Variants in CCDC171 observed in about 807,000 individuals in gnomAD.
CCDC171 encodes coiled-coil domain containing 171.
CCDC171 carries 177 observed loss-of-function variants against 168.2 expected under a neutral mutation model. The ratio of observed to expected loss-of-function variants is 1.05; its 90% CI spans 0.93 to 1.19. The LOEUF (loss-of-function observed/expected upper bound fraction) is 1.19. Among genes scored for constraint, CCDC171 ranks in the 50% most tolerant of loss-of-function variants. The probability of loss-of-function intolerance (pLI) is 0.00; values close to 1 mark genes in which losing one functional copy is unlikely to be tolerated. For missense variants in CCDC171, 1,991 were observed against 1,539.0 expected (o/e 1.29, Z -4.91); for synonymous variants, 687 against 540.8 (o/e 1.27, Z -3.75).
At chr9:15,743,068 T>C (rs937095288) in intron 16 of CCDC171, among the ~76,000 whole-genome samples, 5 of 151,592 alleles carry the variant, frequency 3.3e-5, no homozygotes, top group African/African-American at 1.2e-4. Context: ...TGTGAGCCCT[T>C]ATGCCTGGCC....
chr9:16,104,292 G>C, the CCDC171 span, among the ~76,000 whole-genome samples: 1 of 151,532 alleles, frequency 6.6e-6, no homozygotes, highest in Non-Finnish European at 1.5e-5. Context: ...CCTCCCCACG[G>C]CTCATCTCAA....
intron 24 of CCDC171, among the ~76,000 whole-genome samples, chr9:15,908,779 C>T (rs373329425): frequency 6.6e-6 from 1 of 152,122 alleles, no homozygotes; most frequent in Non-Finnish European, 1.5e-5. Context: ...GAATGGGGAG[C>T]AGGCACGTCA....
chr9:16,084,598 C>T, the CCDC171 span, among the ~76,000 whole-genome samples: 1 of 152,148 alleles, frequency 6.6e-6, no homozygotes, highest in Non-Finnish European at 1.5e-5. Flanking sequence ...CCCAGACTAC[C>T]CGCTTTCCAA....
At chr9:15,763,656 C>T (rs747080025) in intron 18 of CCDC171, among the ~76,000 whole-genome samples, 4 of 152,210 alleles carry the variant, frequency 2.6e-5, no homozygotes, top group Non-Finnish European at 5.9e-5. Context: ...AAATTTCTTA[C>T]TACCCATACA....
In CCDC171 at chr9:15,584,984, A is replaced by G. The variant is rs551126324; in HGVS notation, c.352+5961A>G. Among the ~76,000 whole-genome samples the G allele has an allele frequency of 2.6e-4, 40 of 152,212 alleles. 1 individual carries two copies. The highest frequency in any genetic ancestry group is 2.9e-4 in the Non-Finnish European group (20 of 68,040). On this transcript the variant is annotated intron_variant, in intron 4 of 25. Transcript: ENST00000380701. Reference sequence around the variant, plus strand: ...TAAGATAGAGAGATGACTATTAATCAGAGGAAAAATGCGTAACCTCACTTA... The same window carrying G: ...TAAGATAGAGAGATGACTATTAATCGGAGGAAAAATGCGTAACCTCACTTA...
At chr9:15,758,960 TC>T (rs1265487712) in intron 18 of CCDC171, among the ~76,000 whole-genome samples, 1 of 152,218 alleles carries the variant, frequency 6.6e-6, no homozygotes, top group East Asian at 1.9e-4. Context: ...TATGTCTTTA[TC>T]AGCAGTGTGA....
At chr9:15,823,447 A>G (rs959595385) in intron 21 of CCDC171, among the ~76,000 whole-genome samples, 2 of 152,062 alleles carry the variant, frequency 1.3e-5, no homozygotes, top group Admixed American at 6.6e-5. Flanking sequence ...TTAATTTGCT[A>G]TTTTTAGTGT....
chr9:15,858,107 T>A (rs918927358), intron 23 of CCDC171, among the ~76,000 whole-genome samples: 1 of 151,970 alleles, frequency 6.6e-6, no homozygotes, highest in African/African-American at 2.4e-5. Context: ...AGCCTTCCCC[T>A]CCTGGGTTCA....
At chr9:16,081,137 T>C in the CCDC171 span, among the ~76,000 whole-genome samples, 2 of 152,214 alleles carry the variant, frequency 1.3e-5, no homozygotes, top group African/African-American at 2.4e-5. Flanking sequence ...ATTCTTCTCA[T>C]CACTTCTGGG....
At chr9:15,694,328 C>T (rs2051049083) in intron 10 of CCDC171, among the ~76,000 whole-genome samples, 1 of 152,130 alleles carries the variant, frequency 6.6e-6, no homozygotes, top group Non-Finnish European at 1.5e-5. Flanking sequence ...TATTCAGCCA[C>T]CTCCCATATT....
At chr9:15,578,804 C>T in intron 3 of CCDC171, 45 bp from the exon 4 acceptor site, 1 of 1,509,872 alleles carries the variant, frequency 6.6e-7, no homozygotes, top group Non-Finnish European at 9.1e-7. Flanking sequence ...AGTGTATGAT[C>T]TCATAATCTT....
intron 24 of CCDC171, among the ~76,000 whole-genome samples, chr9:15,903,199 G>A (rs944567828): frequency 5.3e-5 from 8 of 152,152 alleles, no homozygotes; most frequent in Admixed American, 2.6e-4. Flanking sequence ...CTCCCAGCAC[G>A]GAGTTTGAGA....
At chr9:15,863,993 G>T (rs537806942) in intron 23 of CCDC171, among the ~76,000 whole-genome samples, 1 of 152,152 alleles carries the variant, frequency 6.6e-6, no homozygotes, top group Admixed American at 6.6e-5. Context: ...CCTTTGTCAC[G>T]TATAGCAACT....
intron 1 of CCDC171, among the ~76,000 whole-genome samples, chr9:16,056,841 T>C (rs987971178): frequency 6.6e-6 from 1 of 152,146 alleles, no homozygotes; most frequent in Non-Finnish European, 1.5e-5. Context: ...ATGAATTATA[T>C]CTCATTAAAG....
downstream of CCDC171, among the ~76,000 whole-genome samples, chr9:15,975,723 G>A (rs191486492): frequency 4.2e-4 from 64 of 152,248 alleles, no homozygotes; most frequent in African/African-American, 1.5e-3. Flanking sequence ...GCATTCACTT[G>A]TGTAACTCCT....
At position 15,567,076 on chromosome 9, in the gene CCDC171, G is replaced by T. The variant is rs112399214; in HGVS notation, c.41+2947G>T. 1.5e-4 allele frequency among the ~76,000 whole-genome samples: 22 copies of T among 149,418 alleles called. 2 individuals are homozygous for T. The highest frequency in any genetic ancestry group is 5.4e-4 in the African/African-American group (22 of 40,416). On this transcript the variant is annotated intron_variant, in intron 2 of 25. Transcript: ENST00000380701. The stretch of plus-strand genomic sequence containing the variant: ...GAGTCTCACTGTGTTGTCAAGGCTG[G>T]AGTGCAGTGGCGTGATCTCACTGCA...
intron 3 of CCDC171, among the ~76,000 whole-genome samples, chr9:15,989,908 C>G (rs1054761400): frequency 5.9e-5 from 9 of 152,154 alleles, no homozygotes; most frequent in African/African-American, 2.2e-4. Context: ...AGCAAAGCCT[C>G]CAAGAAATAT....
In CCDC171 at chr9:15,571,766, T is replaced by C. The variant is rs370088081; in HGVS notation, c.177+7T>C. ...AACCAAACACAATGCAGAGGTACGA[T>C]TTATTTTCCTCTCAAATAATGTTAA... On this transcript the variant is annotated splice_region_variant and intron_variant, in intron 3 of 25. Coordinates refer to ENST00000380701, the MANE Select transcript of CCDC171 (RefSeq NM_173550.4). The C allele has an allele frequency of 1.7e-5, 27 of 1,562,892 alleles. No individual in the cohort carries two copies. The highest frequency in any genetic ancestry group is 2.2e-5 in the Non-Finnish European group (26 of 1,165,488).
rs1587487050 is a variant in CCDC171, at chr9:15,623,212, C to G, written c.676-55C>G. ...CTCACTGTCTTCTATTGGAGTGACT[C>G]TTAGTCATTGATGGCTTATAAACTT... On this transcript the variant is annotated intron_variant, in intron 6 of 25. Coordinates refer to ENST00000380701, the MANE Select transcript of CCDC171 (RefSeq NM_173550.4). The G allele has an allele frequency of 1.6e-5, 22 of 1,345,688 alleles. 1 individual carries two copies. In the South Asian group the frequency reaches 3.4e-4, roughly 21 times the overall value. The allele number at this position is 1,345,688 out of a possible 1,614,324, so 83.4% of individuals were successfully genotyped here. A position where few individuals can be genotyped will look rare whatever the true frequency, so the allele number is the denominator to read the frequency against.
Sources: gnomAD v4.1 joint callset for allele counts (sites outside exome capture counted in the v4.1 genomes callset) on GRCh38, gnomAD v4.1.1 for gene constraint, MANE v1.5 for transcripts, NCBI Gene and HGNC (gene_info 2026-07-23, HGNC 2026-07-21) for gene names.